The following STXBP5L variants were observed in gnomAD, a reference collection of about 807,000 sequenced individuals.
STXBP5L encodes syntaxin-binding protein 5-like.
In STXBP5L, 65 loss-of-function variants were observed where a neutral mutation model predicts 144.5. The observed-to-expected ratio is 0.45, with a 90% CI of 0.37 to 0.55. STXBP5L has a LOEUF of 0.55. Ranked by LOEUF, STXBP5L falls within the 20% of genes least tolerant of loss-of-function variation. The pLI is 0.00. For synonymous variants in STXBP5L, 505 were observed against 469.6 expected (o/e 1.08, Z -0.97); for missense variants, 1,298 against 1,405.5 (o/e 0.92, Z 1.22).
intron 2 of STXBP5L, among the ~76,000 whole-genome samples, chr3:120,915,750 T>G (rs1709070556): frequency 6.6e-6 from 1 of 152,086 alleles, no homozygotes. Context: ...ACTGTCTTTA[T>G]AAGGACTAGG....
chr3:121,031,377 T>C (rs914330143), intron 3 of STXBP5L, among the ~76,000 whole-genome samples: 6 of 142,462 alleles, frequency 4.2e-5, no homozygotes, highest in African/African-American at 1.6e-4. Flanking sequence ...TATGTATGTG[T>C]ATATATTTCT....
chr3:121,057,049 T>C lies in STXBP5L; in HGVS notation c.470+11514T>C, dbSNP rs1948511516. On this transcript the variant is annotated intron_variant, in intron 5 of 26. Transcript: ENST00000471454. ...AAACAAATTAGCAAGATCTTTAGAA[T>C]ATATTATAAAGAAGGAAGAAAGCAA... Among the ~76,000 whole-genome samples, 2 of 151,296 alleles carry C rather than the reference T, an allele frequency of 1.3e-5. 1 individual carries two copies. Among genetic ancestry groups the C allele is most frequent in the Admixed American group, 1.3e-4 (2 of 15,164 alleles).
At chr3:121,244,434 A>G (rs566431859) in intron 14 of STXBP5L, among the ~76,000 whole-genome samples, 3 of 151,872 alleles carry the variant, frequency 2.0e-5, no homozygotes, top group Non-Finnish European at 4.4e-5. Flanking sequence ...CATTATGGGA[A>G]TTTAAGAAGG....
chr3:121,025,265 A>T (rs1945847093), intron 3 of STXBP5L, among the ~76,000 whole-genome samples: 1 of 152,124 alleles, frequency 6.6e-6, no homozygotes, highest in Admixed American at 6.5e-5. Context: ...ACCTAGTGAA[A>T]AGGAGTTTTC....
At chr3:120,987,657 T>C (rs1225710151) in intron 3 of STXBP5L, among the ~76,000 whole-genome samples, 1 of 151,912 alleles carries the variant, frequency 6.6e-6, no homozygotes, top group Non-Finnish European at 1.5e-5. Context: ...GTTTCACCTC[T>C]TAGAATTCTT....
chr3:121,201,006 G>A (rs1369975686), intron 9 of STXBP5L, among the ~76,000 whole-genome samples: 2 of 152,170 alleles, frequency 1.3e-5, no homozygotes, highest in Non-Finnish European at 1.5e-5. Context: ...GGTCTTCTTG[G>A]TCCAGGGCCA....
At chr3:121,409,208 G>A (rs2047062761) in intron 23 of STXBP5L, among the ~76,000 whole-genome samples, 1 of 151,858 alleles carries the variant, frequency 6.6e-6, no homozygotes, top group East Asian at 1.9e-4. Flanking sequence ...GCTGAGGATA[G>A]AAACTTGGGG....
chr3:121,394,240 A>G (rs1438201529), intron 22 of STXBP5L, among the ~76,000 whole-genome samples: 2 of 152,182 alleles, frequency 1.3e-5, no homozygotes, highest in Non-Finnish European at 2.9e-5. Context: ...AGTGTATAAA[A>G]GTGGTACTGA....
intron 3 of STXBP5L, among the ~76,000 whole-genome samples, chr3:121,029,010 C>T (rs1396400938): frequency 6.6e-6 from 1 of 152,070 alleles, no homozygotes; most frequent in Non-Finnish European, 1.5e-5. Flanking sequence ...CTACAAACTA[C>T]TGCTCAAGAA....
intron 9 of STXBP5L, among the ~76,000 whole-genome samples, chr3:121,200,619 G>A (rs2048101901): frequency 6.6e-6 from 1 of 152,076 alleles, no homozygotes; most frequent in Admixed American, 6.6e-5. Flanking sequence ...AGCATTTAGT[G>A]CTATAAATTC....
chr3:121,217,255 G>A (rs555238700), intron 10 of STXBP5L, among the ~76,000 whole-genome samples: 1 of 152,130 alleles, frequency 6.6e-6, no homozygotes, highest in African/African-American at 2.4e-5. Flanking sequence ...CAGCTAGCTC[G>A]GTGTCTGCCC....
chr3:120,952,538 ATAAAAGCCT>A (rs1711335690), intron 2 of STXBP5L, among the ~76,000 whole-genome samples: 1 of 152,026 alleles, frequency 6.6e-6, no homozygotes, highest in Non-Finnish European at 1.5e-5. Flanking sequence ...TTAAGTCCTC[ATAAAAGCCT>A]TTATTATAGC....
rs754187675 is a variant in STXBP5L, at chr3:121,205,908, AT to A, written c.878-7del. On this transcript the variant is annotated splice_polypyrimidine_tract_variant and intron_variant, in intron 9 of 26. Coordinates refer to ENST00000471454, the MANE Select transcript of STXBP5L (RefSeq NM_001308330.2). ...TAATTTAAATTAGATTCAATTAAATATTTTTTTTCTTTAGGAAAAAGTCAAA... is the reference window on the plus strand; with the variant it reads ...TAATTTAAATTAGATTCAATTAAATATTTTTTTCTTTAGGAAAAAGTCAAA... 61 of 1,311,580 alleles carry A rather than the reference AT, an allele frequency of 4.7e-5. No homozygotes were observed. The highest frequency in any genetic ancestry group is 5.2e-5 in the Admixed American group (2 of 38,412). The allele number at this position is 1,311,580 out of a possible 1,614,324, so 81.2% of individuals were successfully genotyped here.
chr3:121,097,675 C>G (rs575556123), intron 5 of STXBP5L, among the ~76,000 whole-genome samples: 1 of 152,282 alleles, frequency 6.6e-6, no homozygotes, highest in Non-Finnish European at 1.5e-5. Flanking sequence ...TGAGATGAAC[C>G]GGGTACCTCA....
chr3:121,108,133 A>G lies in STXBP5L; in HGVS notation c.471-6792A>G, dbSNP rs530624743. Among the ~76,000 whole-genome samples, 19 of 152,284 alleles carry G rather than the reference A, an allele frequency of 1.2e-4. No homozygotes were observed. In the South Asian group the frequency reaches 1.7e-3, roughly 13 times the overall value. On this transcript the variant is annotated intron_variant, in intron 5 of 26. Transcript: ENST00000471454. ...TTAGGCTGAAGCGATAGGATTTTCT[A>G]TATGTACGATTATGTTATCTACAAA...
At chr3:121,053,701 C>T (rs974050423) in intron 5 of STXBP5L, among the ~76,000 whole-genome samples, 4 of 152,110 alleles carry the variant, frequency 2.6e-5, no homozygotes, top group African/African-American at 9.7e-5. Flanking sequence ...GTCTAAAGCA[C>T]CAAAAGCAAT....
intron 3 of STXBP5L, among the ~76,000 whole-genome samples, chr3:121,024,502 C>T (rs1223786280): frequency 2.6e-5 from 4 of 152,138 alleles, no homozygotes; most frequent in African/African-American, 4.8e-5. Flanking sequence ...TGTCAGCTCT[C>T]GGATACATTC....
intron 20 of STXBP5L, among the ~76,000 whole-genome samples, chr3:121,360,900 G>A (rs757074123): frequency 6.6e-6 from 1 of 151,960 alleles, no homozygotes; most frequent in African/African-American, 2.4e-5. Flanking sequence ...GTACCTTCAG[G>A]TGGTTATATA....
At chr3:121,144,169 C>G (rs1327724702) in intron 7 of STXBP5L, among the ~76,000 whole-genome samples, 2 of 150,476 alleles carry the variant, frequency 1.3e-5, no homozygotes, top group African/African-American at 4.9e-5. Context: ...TCTAGTAACC[C>G]GATTTTAAAA....
Sources: gnomAD v4.1 joint callset for allele counts (sites outside exome capture counted in the v4.1 genomes callset) on GRCh38, gnomAD v4.1.1 for gene constraint, MANE v1.5 for transcripts, NCBI Gene and HGNC (gene_info 2026-07-23, HGNC 2026-07-21) for gene names.